The following NTRK2 variants were observed in gnomAD, a reference collection of about 807,000 sequenced individuals.
NTRK2 encodes the protein BDNF/NT-3 growth factors receptor.
In NTRK2, 13 loss-of-function variants were observed where a neutral mutation model predicts 94.5. That is an observed-to-expected ratio of 0.14 (90% CI 0.09 to 0.22). The LOEUF (loss-of-function observed/expected upper bound fraction) is 0.22, where lower values mean the gene tolerates loss of function less well. Among genes scored for constraint, NTRK2 ranks in the 10% least tolerant of loss-of-function variants. NTRK2 has a pLI of 1.00. For synonymous variants in NTRK2, 372 were observed against 407.4 expected, an observed-to-expected ratio of 0.91 and a Z score of 1.05; for missense variants, 639 against 1,071.2, an observed-to-expected ratio of 0.60 and a Z score of 5.63.
chr9:84,768,463 T>C (rs916432925), intron 12 of NTRK2, among the ~76,000 whole-genome samples: 6 of 152,218 alleles, frequency 3.9e-5, no homozygotes, highest in African/African-American at 1.4e-4. Context: ...TCTCTTGAGC[T>C]ACTGCAGTGT....
chr9:84,744,923 G>A (rs2132375024), intron 10 of NTRK2, 50 bp from the exon 11 acceptor site: 1 of 1,285,744 alleles, frequency 7.8e-7, no homozygotes, highest in Non-Finnish European at 1.1e-6. Flanking sequence ...TTTGTTGGCA[G>A]CTTAATGACA....
intron 2 of NTRK2, among the ~76,000 whole-genome samples, chr9:84,679,330 C>T (rs1564031446): frequency 6.6e-6 from 1 of 152,132 alleles, no homozygotes; most frequent in East Asian, 1.9e-4. Flanking sequence ...CATATATATA[C>T]AAACAATCAT....
Position 84,948,400 on chromosome 9 carries a change from T to G in NTRK2, c.1765-62T>G, listed in dbSNP as rs566837373. 1.1e-5 allele frequency: 16 copies of G among 1,519,730 alleles called. No individual in the cohort carries two copies. The South Asian group carries it at 1.7e-4, about 16-fold the overall frequency. 94.1% of individuals were successfully genotyped at this position (1,519,730 alleles called of 1,614,324 possible). The stretch of plus-strand genomic sequence containing the variant: ...TGCCTAACAAATGAGATGGATGTCT[T>G]TCCTATCTCAGTATCATAGGGCCCA... On this transcript the variant is annotated intron_variant, in intron 15 of 18. Coordinates refer to ENST00000277120, the MANE Select transcript of NTRK2 (RefSeq NM_006180.6).
At position 84,979,812 on chromosome 9, in the gene NTRK2, A is replaced by G. The variant is rs1052771931; in HGVS notation, c.2172+24295A>G. ...CCAACCTTTAACAACCACCTGACCA[A>G]TCAGGAGCTGTCACCACGAAGGCAA... is the stretch of plus-strand genomic sequence containing the variant. On this transcript the variant is annotated intron_variant, in intron 17 of 18. Coordinates refer to ENST00000277120, the MANE Select transcript of NTRK2 (RefSeq NM_006180.6). Among the ~76,000 whole-genome samples the G allele has an allele frequency of 2.0e-5, 3 of 152,248 alleles. No individual in the cohort carries two copies. The East Asian group carries it at 5.8e-4, about 29-fold the overall frequency.
chr9:84,922,202 C>T (rs1377618771), intron 14 of NTRK2, among the ~76,000 whole-genome samples: 1 of 152,218 alleles, frequency 6.6e-6, no homozygotes, highest in Non-Finnish European at 1.5e-5. Flanking sequence ...CACGTCTTCA[C>T]TGAAAGCCCA....
chr9:84,837,491 A>G (rs1432453481), intron 12 of NTRK2, among the ~76,000 whole-genome samples: 2 of 152,240 alleles, frequency 1.3e-5, no homozygotes, highest in African/African-American at 4.8e-5. Flanking sequence ...AGATATATAT[A>G]AAGTGCTTAC....
intron 14 of NTRK2, among the ~76,000 whole-genome samples, chr9:84,920,478 C>A (rs1436620502): frequency 6.6e-6 from 1 of 152,158 alleles, no homozygotes; most frequent in Non-Finnish European, 1.5e-5. Flanking sequence ...AGTTGTCCCT[C>A]CTTTGTGCTT....
intron 17 of NTRK2, among the ~76,000 whole-genome samples, chr9:84,976,402 C>T (rs1225418243): frequency 6.6e-6 from 1 of 152,156 alleles, no homozygotes; most frequent in Non-Finnish European, 1.5e-5. Flanking sequence ...AAAAGCCCTG[C>T]TTGCAATGCA....
chr9:84,992,788 T>C (rs1433590084), intron 17 of NTRK2, among the ~76,000 whole-genome samples: 1 of 152,148 alleles, frequency 6.6e-6, no homozygotes, highest in African/African-American at 2.4e-5. Flanking sequence ...TGATGTGCTA[T>C]CACTATGCTT....
At chr9:84,797,661 T>A (rs28374082) in intron 12 of NTRK2, among the ~76,000 whole-genome samples, 1 of 47,492 alleles carries the variant, frequency 2.1e-5, no homozygotes, top group Admixed American at 3.4e-4. Flanking sequence ...ATATATATAT[T>A]ATATATTATA....
intron 17 of NTRK2, among the ~76,000 whole-genome samples, chr9:84,994,399 A>G (rs143140335): frequency 1.3e-5 from 2 of 152,332 alleles, no homozygotes; most frequent in African/African-American, 4.8e-5. Flanking sequence ...GATAACATCT[A>G]ATTTGATCCC....
intron 14 of NTRK2, among the ~76,000 whole-genome samples, chr9:84,909,179 A>G (rs2077164638): frequency 6.6e-6 from 1 of 152,072 alleles, no homozygotes. Context: ...CAGGATGTAA[A>G]CTTTTGGATT....
At chr9:84,865,619 A>T (rs939676403) in intron 13 of NTRK2, among the ~76,000 whole-genome samples, 1 of 152,196 alleles carries the variant, frequency 6.6e-6, no homozygotes, top group Non-Finnish European at 1.5e-5. Flanking sequence ...GTGCTGAAAC[A>T]TGCATTTAGT....
intron 14 of NTRK2, among the ~76,000 whole-genome samples, chr9:84,891,924 T>C (rs2076606328): frequency 8.2e-6 from 1 of 122,228 alleles, no homozygotes; most frequent in East Asian, 2.2e-4. Context: ...CTAAAACTGG[T>C]TTTTTTTTTT....
chr9:85,008,367 A>G (rs981875826), intron 17 of NTRK2, among the ~76,000 whole-genome samples: 15 of 151,166 alleles, frequency 9.9e-5, no homozygotes, highest in African/African-American at 3.6e-4. Context: ...AAGTAGTTGC[A>G]GTTTTGCCAT....
At chr9:84,932,551 TAATGCAGTTCAC>T (rs1446180332) in intron 14 of NTRK2, among the ~76,000 whole-genome samples, 1 of 152,216 alleles carries the variant, frequency 6.6e-6, no homozygotes, top group Non-Finnish European at 1.5e-5. Context: ...TATTTTCGTA[TAATGCAGTTCAC>T]AATCAATTAA....
At chr9:84,840,344 G>A (rs1442876842) in intron 12 of NTRK2, among the ~76,000 whole-genome samples, 1 of 144,248 alleles carries the variant, frequency 6.9e-6, no homozygotes, top group Non-Finnish European at 1.5e-5. Flanking sequence ...TTCTGTGGTC[G>A]CTGGTTATAA....
intron 6 of NTRK2, among the ~76,000 whole-genome samples, chr9:84,712,361 C>A (rs2061466497): frequency 6.6e-6 from 1 of 151,790 alleles, no homozygotes; most frequent in Admixed American, 6.6e-5. Flanking sequence ...CCTCATTTTT[C>A]CTAAACAGTT....
intron 14 of NTRK2, among the ~76,000 whole-genome samples, chr9:84,889,847 C>G (rs76891002): frequency 6.6e-6 from 1 of 152,308 alleles, no homozygotes; most frequent in Non-Finnish European, 1.5e-5. Flanking sequence ...TTACCAGTAT[C>G]GAGACAGTTG....
Sources: gnomAD v4.1 joint callset for allele counts (sites outside exome capture counted in the v4.1 genomes callset) on GRCh38, gnomAD v4.1.1 for gene constraint, MANE v1.5 for transcripts, NCBI Gene and HGNC (gene_info 2026-07-23, HGNC 2026-07-21) for gene names.